MTMR2: variants seen among roughly 807,000 people sequenced by gnomAD.
MTMR2 encodes the protein phosphatidylinositol-3,5-bisphosphate 3-phosphatase MTMR2.
A neutral mutation model predicts 86.9 loss-of-function variants in MTMR2; 55 were observed. That is an observed-to-expected ratio of 0.63 (90% CI 0.51 to 0.79). The LOEUF (loss-of-function observed/expected upper bound fraction) is 0.79. Ranked by LOEUF, MTMR2 falls within the 30% of genes least tolerant of loss-of-function variation. The pLI is 0.00. For synonymous variants in MTMR2, 241 were observed against 266.8 expected, an observed-to-expected ratio of 0.90 and a Z score of 0.94; for missense variants, 659 against 772.3, an observed-to-expected ratio of 0.85 and a Z score of 1.74.
intron 1 of MTMR2, among the ~76,000 whole-genome samples, chr11:95,913,847 G>A (rs796696363): frequency 6.6e-6 from 1 of 152,102 alleles, no homozygotes; most frequent in Non-Finnish European, 1.5e-5. Flanking sequence ...CAAAACAGTA[G>A]TAAAATTACA....
intron 2 of MTMR2, among the ~76,000 whole-genome samples, chr11:95,881,864 T>C (rs930643297): frequency 6.6e-6 from 1 of 152,184 alleles, no homozygotes; most frequent in African/African-American, 2.4e-5. Flanking sequence ...TGAATAAAAG[T>C]AGCGATAGTA....
chr11:95,900,553 G>A (rs1040231340), intron 1 of MTMR2, among the ~76,000 whole-genome samples: 1 of 152,098 alleles, frequency 6.6e-6, no homozygotes, highest in South Asian at 2.1e-4. Context: ...GGCACGGACT[G>A]CCTCAACTTC....
chr11:95,898,169 T>C (rs925147789), intron 1 of MTMR2, among the ~76,000 whole-genome samples: 1 of 152,036 alleles, frequency 6.6e-6, no homozygotes, highest in Non-Finnish European at 1.5e-5. Context: ...AATGCCCACT[T>C]ACTGCTTAAT....
In MTMR2 at chr11:95,844,328, T is replaced by G. The variant is rs77347748; in HGVS notation, c.1386+625A>C. Among the ~76,000 whole-genome samples the G allele has an allele frequency of 2.7e-3, 413 of 152,274 alleles. 19 individuals are homozygous for G. In the East Asian group the frequency reaches 0.074, roughly 27 times the overall value. On this transcript the variant is annotated intron_variant, in intron 11 of 14. Transcript: ENST00000346299. ...TCAAGTTCAAAAGAGCAGACTAACT[T>G]TAAATGTCTGTTCCTTTCATGTTAC...
At chr11:95,854,101 T>C (rs1289618333) in intron 7 of MTMR2, among the ~76,000 whole-genome samples, 1 of 152,098 alleles carries the variant, frequency 6.6e-6, no homozygotes, top group South Asian at 2.1e-4. Context: ...TTCATGGCTA[T>C]TGTCCTCCTC....
chr11:95,850,515 C>G (rs1028832208), intron 8 of MTMR2, 85 bp downstream of exon 8: 1 of 1,346,056 alleles, frequency 7.4e-7, no homozygotes, highest in Non-Finnish European at 1.1e-6. Flanking sequence ...TATTTATATC[C>G]TGAATCCATT....
chr11:95,869,285 T>C (rs367917550), intron 2 of MTMR2, among the ~76,000 whole-genome samples: 3 of 151,382 alleles, frequency 2.0e-5, no homozygotes, highest in South Asian at 2.1e-4. Flanking sequence ...GTTCAACTTA[T>C]GGTATTTTCA....
intron 2 of MTMR2, 28 bp from the exon 3 acceptor site, chr11:95,865,704 C>T (rs1555066236): frequency 1.3e-6 from 2 of 1,565,820 alleles, no homozygotes; most frequent in Non-Finnish European, 1.8e-6. Context: ...AAAAAAGAAA[C>T]ATTTTTTTAT....
intron 1 of MTMR2, among the ~76,000 whole-genome samples, chr11:95,905,330 C>CGT (rs747341532): frequency 8.1e-5 from 5 of 61,508 alleles, no homozygotes; most frequent in Non-Finnish European, 1.0e-4. Flanking sequence ...CACGCACCTG[C>CGT]GCACACACAC....
intron 2 of MTMR2, among the ~76,000 whole-genome samples, chr11:95,881,019 C>T (rs953898941): frequency 6.6e-6 from 1 of 151,908 alleles, no homozygotes; most frequent in Admixed American, 6.6e-5. Context: ...TATCGTAAGT[C>T]ATAATGATAT....
chr11:95,879,318 G>A (rs1342583117), intron 2 of MTMR2, among the ~76,000 whole-genome samples: 1 of 152,120 alleles, frequency 6.6e-6, no homozygotes, highest in Non-Finnish European at 1.5e-5. Flanking sequence ...GTACACATAG[G>A]AGGGGAGGGC....
Position 95,871,265 on chromosome 11 carries a change from G to A in MTMR2, c.187-5589C>T, listed in dbSNP as rs139564149. Among the ~76,000 whole-genome samples, 122 of 152,310 alleles carry A rather than the reference G, an allele frequency of 8.0e-4. 1 individual carries two copies. In the East Asian group the frequency reaches 0.022, roughly 27 times the overall value. On this transcript the variant is annotated intron_variant, in intron 2 of 14. Transcript: ENST00000346299. ...TGGGTATATACCCAGTAATGGGATG[G>A]CTGGGTCAAATGGTATTTCTAGTTC...
In MTMR2 at chr11:95,841,483, G is replaced by A. The variant is rs879401092; in HGVS notation, c.1479+134C>T. The A allele has an allele frequency of 1.6e-5, 12 of 754,350 alleles. No individual in the cohort carries two copies. In the Admixed American group the frequency reaches 2.2e-4, roughly 14 times the overall value. 46.7% of individuals were successfully genotyped at this position (754,350 alleles called of 1,614,324 possible). A position where few individuals can be genotyped will look rare whatever the true frequency, so the allele number is the denominator to read the frequency against. ...CTGATTCATAATGTGACAATAAATA[G>A]CTCTCACATGGACATGGAGATGTTA... On this transcript the variant is annotated intron_variant, in intron 12 of 14. Transcript: ENST00000346299.
chr11:95,862,605 G>C (rs1864466795), intron 3 of MTMR2, among the ~76,000 whole-genome samples: 1 of 152,172 alleles, frequency 6.6e-6, no homozygotes, highest in Non-Finnish European at 1.5e-5. Context: ...CATCCCATGA[G>C]ACAGAATGGA....
At chr11:95,885,224 A>G (rs1288010313) in intron 2 of MTMR2, among the ~76,000 whole-genome samples, 1 of 152,158 alleles carries the variant, frequency 6.6e-6, no homozygotes, top group Non-Finnish European at 1.5e-5. Flanking sequence ...TGCATTTATA[A>G]TCACCCTACC....
At chr11:95,866,771 A>G (rs1864633538) in intron 2 of MTMR2, among the ~76,000 whole-genome samples, 1 of 150,256 alleles carries the variant, frequency 6.7e-6, no homozygotes. Flanking sequence ...CCAGCCTATG[A>G]AGATGGGGTT....
chr11:95,898,143 A>G lies in MTMR2; in HGVS notation c.81-9882T>C, dbSNP rs139325463. 4.6e-5 allele frequency among the ~76,000 whole-genome samples: 7 copies of G among 151,484 alleles called. No individual in the cohort carries two copies. The East Asian group carries it at 1.4e-3, about 29-fold the overall frequency. On this transcript the variant is annotated intron_variant, in intron 1 of 14. Coordinates refer to ENST00000346299, the MANE Select transcript of MTMR2 (RefSeq NM_016156.6). Reference sequence around the variant, plus strand: ...ATTCCATTCTTATGTGTCTATCATCATTGCCTCCATTTCTCAATGCCCACT... The same window carrying G: ...ATTCCATTCTTATGTGTCTATCATCGTTGCCTCCATTTCTCAATGCCCACT...
intron 8 of MTMR2, 94 bp from the exon 9 acceptor site, chr11:95,849,956 G>C (rs1297437055): frequency 8.3e-7 from 1 of 1,205,034 alleles, no homozygotes; most frequent in Non-Finnish European, 1.2e-6. Flanking sequence ...TTTCTAATTG[G>C]ATCCAAAGCC....
chr11:95,849,618 GC>G lies in MTMR2; in HGVS notation c.993+55del, dbSNP rs1863936667. On this transcript the variant is annotated intron_variant, in intron 9 of 14. Transcript: ENST00000346299. ...GCTCTTTTTACTACACTGTGGCCCT[GC>G]CAAACTCAGCTGATTCATGAAACCA... 2 of 1,529,520 alleles carry G rather than the reference GC, an allele frequency of 1.3e-6. 1 individual carries two copies. The highest frequency in any genetic ancestry group is 2.2e-5 in the South Asian group (2 of 89,588). The allele number at this position is 1,529,520 out of a possible 1,614,324, so 94.7% of individuals were successfully genotyped here.
Sources: gnomAD v4.1 joint callset for allele counts (sites outside exome capture counted in the v4.1 genomes callset) on GRCh38, gnomAD v4.1.1 for gene constraint, MANE v1.5 for transcripts, NCBI Gene and HGNC (gene_info 2026-07-23, HGNC 2026-07-21) for gene names.